Variants in NFIA observed in about 807,000 individuals in gnomAD.
NFIA encodes nuclear factor 1 A-type.
Under a neutral mutation model 62.8 loss-of-function variants are expected in NFIA, and 8 were observed. The ratio of observed to expected loss-of-function variants is 0.13; its 90% CI spans 0.07 to 0.23. The LOEUF is 0.23. Among genes scored for constraint, NFIA ranks in the 10% least tolerant of loss-of-function variants. The probability of loss-of-function intolerance (pLI) is 1.00; values close to 1 mark genes in which losing one functional copy is unlikely to be tolerated. For synonymous variants in NFIA, 235 were observed against 238.1 expected (o/e 0.99, Z 0.12); for missense variants, 410 against 642.1 (o/e 0.64, Z 3.91).
chr1:61,140,965 GTTTTTTTT>G (rs35173386), intron 2 of NFIA, among the ~76,000 whole-genome samples: 6 of 88,598 alleles, frequency 6.8e-5, no homozygotes, highest in African/African-American at 1.7e-4. Context: ...CCACAGCTGG[GTTTTTTTT>G]TTTTTTTTTT....
chr1:61,134,267 T>A (rs1647137679), intron 2 of NFIA, among the ~76,000 whole-genome samples: 1 of 151,604 alleles, frequency 6.6e-6, no homozygotes, highest in Non-Finnish European at 1.5e-5. Context: ...TGTGTGTGTG[T>A]GTGTGTGTGT....
chr1:61,186,711 A>G (rs920622309), intron 2 of NFIA, among the ~76,000 whole-genome samples: 3 of 152,256 alleles, frequency 2.0e-5, no homozygotes, highest in South Asian at 4.1e-4. Context: ...AGATAATAAT[A>G]AAATAATAGC....
chr1:61,319,765 C>T (rs182065737), intron 3 of NFIA, among the ~76,000 whole-genome samples: 27 of 145,208 alleles, frequency 1.9e-4, no homozygotes, highest in Admixed American at 1.6e-3. Flanking sequence ...AGAAATCCAC[C>T]AATGATTTCT....
chr1:61,316,438 A>G (rs779609511), intron 3 of NFIA, among the ~76,000 whole-genome samples: 9 of 152,186 alleles, frequency 5.9e-5, no homozygotes, highest in Non-Finnish European at 1.2e-4. Flanking sequence ...TCCAGGGACC[A>G]TATGGCTCTC....
intron 2 of NFIA, among the ~76,000 whole-genome samples, chr1:61,216,416 C>T (rs1299276027): frequency 1.3e-5 from 2 of 152,026 alleles, no homozygotes; most frequent in African/African-American, 2.4e-5. Flanking sequence ...CAAAGAAGGC[C>T]TCTACTTCTT....
At chr1:61,219,899 G>T (rs1236014158) in intron 2 of NFIA, among the ~76,000 whole-genome samples, 2 of 151,948 alleles carry the variant, frequency 1.3e-5, no homozygotes, top group African/African-American at 2.4e-5. Flanking sequence ...GGAGGCAGAG[G>T]TTGCAGTGAG....
At position 61,237,955 on chromosome 1, in the gene NFIA, G is replaced by A. The variant is rs529329836; in HGVS notation, c.560-39565G>A. On this transcript the variant is annotated intron_variant, in intron 2 of 10. Transcript: ENST00000403491. ...TAGTATTTTCAAATGGCTCAAAGCC[G>A]TCTCTAAATTTAATAGTAAAATGAG... 1.0e-3 allele frequency among the ~76,000 whole-genome samples: 156 copies of A among 152,262 alleles called. 2 individuals are homozygous for A. Among genetic ancestry groups the A allele is most frequent in the East Asian group, 6.8e-3 (35 of 5,184 alleles).
intron 2 of NFIA, among the ~76,000 whole-genome samples, chr1:61,219,790 C>T (rs900073755): frequency 1.3e-5 from 2 of 151,042 alleles, no homozygotes; most frequent in African/African-American, 4.9e-5. Flanking sequence ...ATGGTGAAAC[C>T]CTGTCTCTAC....
intron 2 of NFIA, among the ~76,000 whole-genome samples, chr1:61,134,681 G>A (rs1158358675): frequency 2.0e-5 from 3 of 152,222 alleles, no homozygotes; most frequent in East Asian, 1.9e-4. Context: ...AGTCTGTGTC[G>A]TAGAATTAGC....
intron 6 of NFIA, among the ~76,000 whole-genome samples, chr1:61,377,235 GAA>G (rs1443197149): frequency 6.7e-6 from 1 of 148,844 alleles, no homozygotes; most frequent in Non-Finnish European, 1.5e-5. Context: ...AAAAAAGAAA[GAA>G]AGAGAAGAAA....
chr1:61,153,505 G>C (rs1557601345), intron 2 of NFIA, among the ~76,000 whole-genome samples: 1 of 152,072 alleles, frequency 6.6e-6, no homozygotes. Flanking sequence ...ACACTGCATT[G>C]GTTAATAACT....
intron 3 of NFIA, among the ~76,000 whole-genome samples, chr1:61,308,322 G>T (rs1166492803): frequency 1.3e-5 from 2 of 152,088 alleles, no homozygotes; most frequent in Non-Finnish European, 2.9e-5. Context: ...TAGTGCACAA[G>T]TCAAGGAGTA....
intron 2 of NFIA, among the ~76,000 whole-genome samples, chr1:61,127,381 CG>C (rs1357741870): frequency 6.6e-6 from 1 of 151,250 alleles, no homozygotes; most frequent in Non-Finnish European, 1.5e-5. Flanking sequence ...TGCTTGAACC[CG>C]GGAGGTGGAG....
At chr1:61,379,403 T>TA (rs1491211774) in intron 6 of NFIA, among the ~76,000 whole-genome samples, 1,023 of 51,440 alleles carry the variant, frequency 0.02, 25 homozygotes, top group East Asian at 0.054. Flanking sequence ...TTTCTTTTTC[T>TA]TTTTTTTTTT....
intron 2 of NFIA, among the ~76,000 whole-genome samples, chr1:61,263,805 G>A (rs1390095293): frequency 6.6e-6 from 1 of 152,050 alleles, no homozygotes; most frequent in African/African-American, 2.4e-5. Context: ...GACAAGCCTG[G>A]CCAACGTAGC....
intron 2 of NFIA, among the ~76,000 whole-genome samples, chr1:61,118,907 G>A (rs1433424432): frequency 1.3e-5 from 2 of 152,076 alleles, no homozygotes; most frequent in East Asian, 3.9e-4. Flanking sequence ...CATAATTCAA[G>A]GAAATAATTG....
chr1:61,285,679 G>T (rs1370256586), intron 3 of NFIA, among the ~76,000 whole-genome samples: 1 of 151,918 alleles, frequency 6.6e-6, no homozygotes, highest in Non-Finnish European at 1.5e-5. Context: ...TGGAGGGTAG[G>T]GGGCACTATT....
chr1:61,422,785 C>T (rs1666692063), intron 9 of NFIA, among the ~76,000 whole-genome samples: 2 of 150,546 alleles, frequency 1.3e-5, no homozygotes, highest in Non-Finnish European at 1.5e-5. Flanking sequence ...ATGGATGATT[C>T]CCCTACTAAC....
intron 2 of NFIA, among the ~76,000 whole-genome samples, chr1:61,246,586 C>G (rs1655663256): frequency 7.4e-6 from 1 of 134,808 alleles, no homozygotes; most frequent in Admixed American, 7.1e-5. Context: ...AACAATGTCT[C>G]AGATTCCTTC....
Sources: gnomAD v4.1 joint callset for allele counts (sites outside exome capture counted in the v4.1 genomes callset) on GRCh38, gnomAD v4.1.1 for gene constraint, MANE v1.5 for transcripts, NCBI Gene and HGNC (gene_info 2026-07-23, HGNC 2026-07-21) for gene names.